Variants in CYB5R4 observed in about 807,000 individuals in gnomAD.
CYB5R4 encodes cytochrome b5 reductase 4, also known as N-terminal cytochrome b5 and cytochrome b5 oxidoreductase domain-containing protein.
A neutral mutation model predicts 70.2 loss-of-function variants in CYB5R4; 55 were observed. That is an observed-to-expected ratio of 0.78 (90% CI 0.63 to 0.98). The LOEUF is 0.98. Among genes scored for constraint, CYB5R4 ranks in the 50% least tolerant of loss-of-function variants. CYB5R4 has a pLI of 0.00. For missense variants in CYB5R4, 562 were observed against 612.6 expected, an observed-to-expected ratio of 0.92 and a Z score of 0.87; for synonymous variants, 197 against 199.5, an observed-to-expected ratio of 0.99 and a Z score of 0.11.
chr6:83,934,187 A>T (rs1400953063), intron 10 of CYB5R4, among the ~76,000 whole-genome samples: 4 of 151,776 alleles, frequency 2.6e-5, no homozygotes, highest in African/African-American at 9.7e-5. Flanking sequence ...TGAGTCCAGG[A>T]GTTCGACATC....
intron 2 of CYB5R4, among the ~76,000 whole-genome samples, chr6:83,870,134 CAT>C (rs893081234): frequency 6.6e-6 from 1 of 152,144 alleles, no homozygotes; most frequent in Admixed American, 6.5e-5. Context: ...GGTTGACAAA[CAT>C]GTTGTCATTA....
At chr6:83,899,958 C>T (rs971690880) in intron 3 of CYB5R4, among the ~76,000 whole-genome samples, 1 of 152,080 alleles carries the variant, frequency 6.6e-6, no homozygotes, top group African/African-American at 2.4e-5. Context: ...TTTTATGTCT[C>T]TATCTCCTTC....
chr6:83,898,416 C>T (rs1357112256), intron 3 of CYB5R4, among the ~76,000 whole-genome samples: 1 of 152,126 alleles, frequency 6.6e-6, no homozygotes, highest in East Asian at 1.9e-4. Context: ...CAGCTTTGTT[C>T]TTTTGGCTTA....
chr6:83,912,728 T>A (rs2099464878), intron 4 of CYB5R4, among the ~76,000 whole-genome samples: 1 of 152,228 alleles, frequency 6.6e-6, no homozygotes, highest in African/African-American at 2.4e-5. Flanking sequence ...ATGATTCAGA[T>A]GTAAATATGC....
At chr6:83,895,964 A>G (rs1321388816) in intron 3 of CYB5R4, among the ~76,000 whole-genome samples, 2 of 152,164 alleles carry the variant, frequency 1.3e-5, no homozygotes, top group Non-Finnish European at 2.9e-5. Context: ...CTGACCTCTT[A>G]TCTTGCATTT....
intron 9 of CYB5R4, among the ~76,000 whole-genome samples, chr6:83,923,525 A>G (rs2099466766): frequency 6.6e-6 from 1 of 152,222 alleles, no homozygotes; most frequent in Non-Finnish European, 1.5e-5. Flanking sequence ...GTTTCTGAAG[A>G]AAAATTAAAT....
chr6:83,882,095 T>C lies in CYB5R4; in HGVS notation c.230-11427T>C, dbSNP rs77069459. ...ATTTTAAAATACTATCTAAAGATAC[T>C]GGTGAACAATCAAAACTGGTGAAGA... On this transcript the variant is annotated intron_variant, in intron 2 of 15. Coordinates refer to ENST00000369681, the MANE Select transcript of CYB5R4 (RefSeq NM_016230.4). 1.8e-4 allele frequency among the ~76,000 whole-genome samples: 28 copies of C among 152,282 alleles called. 1 individual carries two copies. In the East Asian group the frequency reaches 4.8e-3, roughly 26 times the overall value.
At chr6:83,879,703 C>T (rs1368486629) in intron 2 of CYB5R4, among the ~76,000 whole-genome samples, 2 of 152,108 alleles carry the variant, frequency 1.3e-5, no homozygotes, top group African/African-American at 4.8e-5. Context: ...GGGCCTTTCT[C>T]GTGTCTGCTT....
chr6:83,877,390 G>A (rs985142671), intron 2 of CYB5R4, among the ~76,000 whole-genome samples: 2 of 152,110 alleles, frequency 1.3e-5, no homozygotes, highest in African/African-American at 4.8e-5. Flanking sequence ...AATGCCTGAG[G>A]CTGGGTAATT....
chr6:83,880,575 A>T (rs2099459288), intron 2 of CYB5R4, among the ~76,000 whole-genome samples: 2 of 152,188 alleles, frequency 1.3e-5, no homozygotes, highest in Admixed American at 1.3e-4. Flanking sequence ...ATTGCTAATG[A>T]CTTCTAGTCT....
rs1237699064 is a variant in CYB5R4, at chr6:83,909,100, G to A, written c.412+10G>A. On this transcript the variant is annotated intron_variant, in intron 4 of 15. Transcript: ENST00000369681. The stretch of plus-strand genomic sequence containing the variant: ...CCTGCTGTTCTGAAAGGTAAGTGGT[G>A]CTGGTGCTAAACCAGCATGGATGTG... The A allele has an allele frequency of 6.2e-7, 1 of 1,612,326 alleles. No homozygotes were observed. Among genetic ancestry groups the A allele is most frequent in the Non-Finnish European group, 8.5e-7 (1 of 1,178,466 alleles).
At chr6:83,913,174 G>A (rs927108732) in intron 4 of CYB5R4, among the ~76,000 whole-genome samples, 1 of 152,086 alleles carries the variant, frequency 6.6e-6, no homozygotes, top group Non-Finnish European at 1.5e-5. Flanking sequence ...AGCAAAGACA[G>A]ATAAAACTGA....
At chr6:83,874,083 A>G (rs536307184) in intron 2 of CYB5R4, among the ~76,000 whole-genome samples, 5 of 148,054 alleles carry the variant, frequency 3.4e-5, no homozygotes, top group African/African-American at 1.2e-4. Context: ...ACTTCTTTCA[A>G]AGACTTCCTT....
intron 12 of CYB5R4, among the ~76,000 whole-genome samples, chr6:83,937,411 T>C (rs2099469084): frequency 6.6e-6 from 1 of 152,254 alleles, no homozygotes; most frequent in South Asian, 2.1e-4. Context: ...ATATATTTCT[T>C]CATTACAAGA....
At chr6:83,903,910 T>A (rs568029504) in intron 3 of CYB5R4, among the ~76,000 whole-genome samples, 1 of 152,250 alleles carries the variant, frequency 6.6e-6, no homozygotes, top group Admixed American at 6.5e-5. Flanking sequence ...CATTTCTGAT[T>A]TTGTTTACTT....
At chr6:83,922,731 A>G (rs1361798864) in intron 9 of CYB5R4, among the ~76,000 whole-genome samples, 1 of 152,046 alleles carries the variant, frequency 6.6e-6, no homozygotes, top group Admixed American at 6.6e-5. Context: ...CAAATACATT[A>G]ATTTTTAAAT....
chr6:83,955,546 T>C (rs573172146), intron 15 of CYB5R4, 84 bp downstream of exon 15: 10 of 1,309,652 alleles, frequency 7.6e-6, no homozygotes, highest in Admixed American at 2.3e-5. Flanking sequence ...TTCTTCCTGT[T>C]TATATGAAAC....
chr6:83,918,914 T>A (rs2099465925), intron 6 of CYB5R4, among the ~76,000 whole-genome samples: 1 of 152,134 alleles, frequency 6.6e-6, no homozygotes, highest in Non-Finnish European at 1.5e-5. Flanking sequence ...GAGTATCAAT[T>A]TGATCAATAG....
At chr6:83,942,638 GC>G (rs2099469950) in intron 14 of CYB5R4, among the ~76,000 whole-genome samples, 1 of 152,160 alleles carries the variant, frequency 6.6e-6, no homozygotes, top group Non-Finnish European at 1.5e-5. Flanking sequence ...TGGAAAGGGG[GC>G]TGAAGCCAGG....
Sources: gnomAD v4.1 joint callset for allele counts (sites outside exome capture counted in the v4.1 genomes callset) on GRCh38, gnomAD v4.1.1 for gene constraint, MANE v1.5 for transcripts, NCBI Gene and HGNC (gene_info 2026-07-23, HGNC 2026-07-21) for gene names.